Variants in GSTA2 observed in about 807,000 individuals in gnomAD.
The protein encoded by GSTA2 is glutathione S-transferase alpha 2, also known as glutathione S-transferase A2.
Under a neutral mutation model 22.4 loss-of-function variants are expected in GSTA2, and 27 were observed. The ratio of observed to expected loss-of-function variants is 1.21; its 90% CI spans 0.89 to 1.67. GSTA2 has a LOEUF of 1.67. Ranked by LOEUF, GSTA2 falls within the 40% of genes most tolerant of loss-of-function variation. The pLI, the probability that GSTA2 is intolerant of heterozygous loss-of-function variation, is 0.00. For synonymous variants in GSTA2, 121 were observed against 86.8 expected (o/e 1.39, Z -2.19); for missense variants, 302 against 260.2 (o/e 1.16, Z -1.11).
At chr6:52,758,687 T>A (rs1581776103) in intron 1 of GSTA2, among the ~76,000 whole-genome samples, 1 of 152,206 alleles carries the variant, frequency 6.6e-6, no homozygotes, top group Non-Finnish European at 1.5e-5. Flanking sequence ...TCCAAATTCT[T>A]TCAAGAGACA....
chr6:52,750,954 C>T (rs966594606), intron 6 of GSTA2, among the ~76,000 whole-genome samples: 7 of 152,146 alleles, frequency 4.6e-5, no homozygotes, highest in African/African-American at 1.7e-4. Flanking sequence ...CATATTAATC[C>T]TATAGATTAG....
In GSTA2 at chr6:52,759,563, G is replaced by GTTTTTTTTTTTTTTTT. The variant is rs70977382; in HGVS notation, c.-30-1602_-30-1587dup. On this transcript the variant is annotated intron_variant, in intron 1 of 6. Transcript: ENST00000493422. ...CCTTTAACAACTAATGTATTTATTT[G>GTTTTTTTTTTTTTTTT]TTTTTTTTTTTTTTTTTTTTTTTTT... Among the ~76,000 whole-genome samples, 11 of 34,198 alleles carry GTTTTTTTTTTTTTTTT rather than the reference G, an allele frequency of 3.2e-4. 4 individuals carry two copies. Among genetic ancestry groups the GTTTTTTTTTTTTTTTT allele is most frequent in the Non-Finnish European group, 4.2e-4 (7 of 16,554 alleles). The allele number at this position is 34,198 out of a possible 152,430, so 22.4% of individuals were successfully genotyped here.
intron 4 of GSTA2, among the ~76,000 whole-genome samples, chr6:52,754,529 C>A (rs1762804183): frequency 6.6e-6 from 1 of 152,076 alleles, no homozygotes; most frequent in Middle Eastern, 3.2e-3. Flanking sequence ...ATTACTGGGA[C>A]CTTAGACTTG....
Position 52,761,515 on chromosome 6 carries a change from T to C in GSTA2, c.-31+1929A>G, listed in dbSNP as rs572809214. 4.8e-5 allele frequency among the ~76,000 whole-genome samples: 7 copies of C among 145,940 alleles called. No individual in the cohort carries two copies. In the East Asian group the frequency reaches 8.0e-4, roughly 17 times the overall value. On this transcript the variant is annotated intron_variant, in intron 1 of 6. Coordinates refer to ENST00000493422, the MANE Select transcript of GSTA2 (RefSeq NM_000846.5). ...AAGATTTTATATGAATCCAGACTTA[T>C]ATCAAATCTGTCATATGATGGCTCT... is the stretch of plus-strand genomic sequence containing the variant.
chr6:52,760,063 C>T (rs1321727120), intron 1 of GSTA2, among the ~76,000 whole-genome samples: 1 of 152,116 alleles, frequency 6.6e-6, no homozygotes, highest in East Asian at 1.9e-4. Flanking sequence ...ATTGTACTTT[C>T]TATGATAACT....
At chr6:52,753,612 C>G (rs1762787819) in intron 4 of GSTA2, among the ~76,000 whole-genome samples, 1 of 148,112 alleles carries the variant, frequency 6.8e-6, no homozygotes, top group Non-Finnish European at 1.5e-5. Context: ...AAGAGCCAAC[C>G]CCTTCCCTGG....
chr6:52,751,037 TGAAAATATGG>T, intron 6 of GSTA2, among the ~76,000 whole-genome samples: 1 of 152,082 alleles, frequency 6.6e-6, no homozygotes, highest in African/African-American at 2.4e-5. Context: ...TAAGCAGAAG[TGAAAATATGG>T]GAAAATGAGT....
intron 1 of GSTA2, among the ~76,000 whole-genome samples, chr6:52,763,222 C>G (rs950012121): frequency 6.6e-6 from 1 of 152,058 alleles, no homozygotes; most frequent in Non-Finnish European, 1.5e-5. Flanking sequence ...AATGCTGAGG[C>G]CCTGGTTTTC....
chr6:52,755,122 A>C lies in GSTA2; in HGVS notation c.140-47T>G, dbSNP rs1208328817. 1.9e-6 allele frequency: 3 copies of C among 1,599,320 alleles called. No homozygotes were observed. The South Asian group carries it at 3.4e-5, about 18-fold the overall frequency. On this transcript the variant is annotated intron_variant, in intron 3 of 6. Transcript: ENST00000493422. ...GGAGAGTGAAGTGTCTATGAAACCC[A>C]CCATTTCAGGATGAAAAAAAATGGT...
intron 1 of GSTA2, among the ~76,000 whole-genome samples, chr6:52,762,378 C>T (rs538869895): frequency 1.3e-5 from 2 of 152,334 alleles, no homozygotes; most frequent in African/African-American, 4.8e-5. Context: ...ATTGTATGTT[C>T]CATCTACTGA....
chr6:52,756,293 A>C lies in GSTA2; in HGVS notation c.104T>G (p.Ile35Arg), dbSNP rs779434776. The C allele has an allele frequency of 4.4e-6, 7 of 1,603,376 alleles. No individual in the cohort carries two copies. In the South Asian group the frequency reaches 7.7e-5, roughly 18 times the overall value. ...CTTGTCCAAATCTTCTGCAGATTTT[A>C]TAAATTTCTCTTCAAACTGGAAGCA... ...AAGVEFEEKF[I>R]KSAEDLDKLR... is the part of the protein sequence containing the mutation. The change falls in exon 3 of 7, where the codon ATA (isoleucine) becomes AGA (arginine). Residue 35 changes from isoleucine (I) to arginine (R), a missense_variant. Ile to Arg is a moderately conservative substitution (Grantham distance 97). Transcript: ENST00000493422.
At chr6:52,762,161 A>AT (rs1762962449) in intron 1 of GSTA2, among the ~76,000 whole-genome samples, 1 of 152,188 alleles carries the variant, frequency 6.6e-6, no homozygotes, top group Non-Finnish European at 1.5e-5. Context: ...AAAGCCAGGT[A>AT]TTGTCCAAGG....
intron 5 of GSTA2, 111 bp from the exon 6 acceptor site, chr6:52,751,819 A>C: frequency 6.8e-7 from 1 of 1,477,384 alleles, no homozygotes; most frequent in Non-Finnish European, 9.4e-7. Context: ...GCCTTACTGC[A>C]TGGATGCAGA....
chr6:52,759,607 A>G (rs764778115), intron 1 of GSTA2, among the ~76,000 whole-genome samples: 10 of 23,164 alleles, frequency 4.3e-4, no homozygotes, highest in Non-Finnish European at 8.1e-4. Flanking sequence ...TTTTTGAGAC[A>G]GAGTTTTGCT....
chr6:52,758,226 G>T (rs562801251), intron 1 of GSTA2, among the ~76,000 whole-genome samples: 1 of 152,296 alleles, frequency 6.6e-6, no homozygotes, highest in African/African-American at 2.4e-5. Flanking sequence ...AGCCTAAGAG[G>T]TGAGAGTATG....
chr6:52,758,594 A>T (rs1762893116), intron 1 of GSTA2, among the ~76,000 whole-genome samples: 1 of 152,056 alleles, frequency 6.6e-6, no homozygotes, highest in Non-Finnish European at 1.5e-5. Context: ...GAGCTAAATC[A>T]CTCTTCAGCT....
At chr6:52,756,797 T>G (rs1236543902) in intron 2 of GSTA2, among the ~76,000 whole-genome samples, 1 of 152,268 alleles carries the variant, frequency 6.6e-6, no homozygotes, top group Non-Finnish European at 1.5e-5. Flanking sequence ...AAGGGTGACA[T>G]AGGTCGCCAC....
chr6:52,754,617 C>T (rs143803123), intron 4 of GSTA2, among the ~76,000 whole-genome samples: 1,876 of 152,252 alleles, frequency 0.012, 23 homozygotes, highest in Middle Eastern at 0.021. Flanking sequence ...AGCCATTGGC[C>T]GGGGTCCAGC....
intron 4 of GSTA2, among the ~76,000 whole-genome samples, chr6:52,754,122 G>T (rs1458031347): frequency 6.6e-6 from 1 of 152,122 alleles, no homozygotes; most frequent in South Asian, 2.1e-4. Flanking sequence ...TCCATTTATT[G>T]ATTGATGGAT....
Sources: gnomAD v4.1 joint callset for allele counts (sites outside exome capture counted in the v4.1 genomes callset) on GRCh38, gnomAD v4.1.1 for gene constraint, MANE v1.5 for transcripts, NCBI Gene and HGNC (gene_info 2026-07-23, HGNC 2026-07-21) for gene names.